Variants in SHROOM3 observed in about 807,000 individuals in gnomAD.
The protein encoded by SHROOM3 is shroom family member 3.
SHROOM3 carries 47 observed loss-of-function variants against 138.6 expected under a neutral mutation model. The ratio of observed to expected loss-of-function variants is 0.34; its 90% CI spans 0.27 to 0.43. SHROOM3 has a LOEUF of 0.43. Among genes scored for constraint, SHROOM3 ranks in the 20% least tolerant of loss-of-function variants. SHROOM3 has a pLI of 1.00. For synonymous variants in SHROOM3, 1,062 were observed against 1,063.3 expected (o/e 1.00, Z 0.02); for missense variants, 2,491 against 2,596.5 (o/e 0.96, Z 0.88).
At chr4:76,558,028 G>A (rs970188703) in intron 2 of SHROOM3, among the ~76,000 whole-genome samples, 1 of 152,278 alleles carries the variant, frequency 6.6e-6, no homozygotes, top group Admixed American at 6.5e-5. Flanking sequence ...GAACCCAGGA[G>A]CCCAGTTTGG....
chr4:76,554,720 A>G (rs1168405329), intron 1 of SHROOM3, among the ~76,000 whole-genome samples: 2 of 152,066 alleles, frequency 1.3e-5, no homozygotes, highest in African/African-American at 2.4e-5. Flanking sequence ...GTACCCGGCC[A>G]GAGGAACTCA....
intron 2 of SHROOM3, among the ~76,000 whole-genome samples, chr4:76,583,821 G>A (rs1734096354): frequency 6.6e-6 from 1 of 152,148 alleles, no homozygotes; most frequent in Non-Finnish European, 1.5e-5. Context: ...TGGGTCAACT[G>A]TAGGTTGGAA....
intron 4 of SHROOM3, among the ~76,000 whole-genome samples, chr4:76,731,686 C>T (rs1008662175): frequency 6.6e-6 from 1 of 151,576 alleles, no homozygotes; most frequent in African/African-American, 2.4e-5. Flanking sequence ...GAGGCTGAGG[C>T]AGAAGAATCG....
chr4:76,564,087 A>G (rs1259250714), intron 2 of SHROOM3, among the ~76,000 whole-genome samples: 1 of 152,154 alleles, frequency 6.6e-6, no homozygotes, highest in Non-Finnish European at 1.5e-5. Context: ...AAGAGCTGTG[A>G]CCACCCTCCC....
chr4:76,499,690 G>A (rs965035963), intron 1 of SHROOM3, among the ~76,000 whole-genome samples: 1 of 152,186 alleles, frequency 6.6e-6, no homozygotes, highest in Admixed American at 6.5e-5. Context: ...GGGGACATGG[G>A]TCTCTGGGTG....
chr4:76,743,201 G>A (rs962395702), intron 5 of SHROOM3, among the ~76,000 whole-genome samples: 1 of 152,214 alleles, frequency 6.6e-6, no homozygotes, highest in Non-Finnish European at 1.5e-5. Flanking sequence ...GGGATGCATT[G>A]ATGGGAAGAA....
intron 1 of SHROOM3, among the ~76,000 whole-genome samples, chr4:76,512,463 A>G (rs143081269): frequency 7.9e-5 from 12 of 152,262 alleles, no homozygotes; most frequent in Non-Finnish European, 7.4e-5. Context: ...AAACTGGCAG[A>G]TCTGGAATGT....
chr4:76,717,652 A>G (rs1720414675), intron 3 of SHROOM3, among the ~76,000 whole-genome samples: 1 of 152,138 alleles, frequency 6.6e-6, no homozygotes. Context: ...GGTATGGGCA[A>G]GGAAATCTCT....
intron 5 of SHROOM3, among the ~76,000 whole-genome samples, chr4:76,743,335 C>T (rs113891978): frequency 0.013 from 1,928 of 152,294 alleles, 33 homozygotes; most frequent in African/African-American, 0.044. Context: ...CAGGATTTTA[C>T]AAGTTTTTGA....
intron 2 of SHROOM3, among the ~76,000 whole-genome samples, chr4:76,556,279 A>G (rs1387091373): frequency 5.3e-5 from 8 of 152,228 alleles, no homozygotes; most frequent in South Asian, 2.1e-4. Flanking sequence ...TTAATGCCTT[A>G]GCATCAGAAG....
intron 2 of SHROOM3, among the ~76,000 whole-genome samples, chr4:76,655,413 G>C (rs1736044112): frequency 6.6e-6 from 1 of 152,154 alleles, no homozygotes. Context: ...GGGCCAATAA[G>C]AGGACCTTCA....
At chr4:76,473,906 C>G (rs1731430908) in intron 1 of SHROOM3, among the ~76,000 whole-genome samples, 2 of 152,288 alleles carry the variant, frequency 1.3e-5, no homozygotes, top group South Asian at 4.1e-4. Flanking sequence ...AAACGACTGG[C>G]TATTTCCTCA....
chr4:76,642,269 G>T (rs182637327), intron 2 of SHROOM3, among the ~76,000 whole-genome samples: 1 of 152,120 alleles, frequency 6.6e-6, no homozygotes, highest in African/African-American at 2.4e-5. Flanking sequence ...TCTAAAGCCT[G>T]ATCAATAAAT....
In SHROOM3 at chr4:76,555,752, G is replaced by T. The variant is rs749746838; in HGVS notation, c.312G>T (p.Leu104=). The T allele has an allele frequency of 1.8e-5, 29 of 1,612,964 alleles. No homozygotes were observed. In the Admixed American group the frequency reaches 4.7e-4, roughly 26 times the overall value. Residue 104 remains leucine (L), a synonymous_variant, in exon 2 of 11, where the codon CTG becomes CTT. Transcript: ENST00000296043. The part of the protein sequence containing the change: ...LVKGSYKTLR[L]VVRRDVCTDP... ...AAGGATCCTACAAGACCCTCAGGCT[G>T]GTAGTGCGCAGGTAGGTGGCAGACC...
At chr4:76,438,931 C>T (rs1004544779) in intron 1 of SHROOM3, among the ~76,000 whole-genome samples, 6 of 152,080 alleles carry the variant, frequency 3.9e-5, no homozygotes, top group African/African-American at 1.4e-4. Flanking sequence ...CAAACAGAAC[C>T]AATGAGGATG....
At chr4:76,651,714 C>T (rs981863377) in intron 2 of SHROOM3, among the ~76,000 whole-genome samples, 4 of 151,996 alleles carry the variant, frequency 2.6e-5, no homozygotes, top group Non-Finnish European at 5.9e-5. Flanking sequence ...ATTAATTGTC[C>T]AAGCCAAAGA....
chr4:76,525,413 G>A (rs969796271), intron 1 of SHROOM3, among the ~76,000 whole-genome samples: 10 of 152,176 alleles, frequency 6.6e-5, no homozygotes, highest in Admixed American at 5.2e-4. Context: ...CTTGACACAT[G>A]GGGATTATGG....
At position 76,658,597 on chromosome 4, in the gene SHROOM3, AT is replaced by A. The variant is rs1412529126; in HGVS notation, c.324-51558del. 2.0e-5 allele frequency among the ~76,000 whole-genome samples: 3 copies of A among 152,280 alleles called. No homozygotes were observed. The East Asian group carries it at 5.8e-4, about 29-fold the overall frequency. On this transcript the variant is annotated intron_variant, in intron 2 of 10. Coordinates refer to ENST00000296043, the MANE Select transcript of SHROOM3 (RefSeq NM_020859.4). ...ACAGAGCAGGAACAGTGAACTATATATAATAGTGTGGTAAATGTTACATCAA... is the reference window on the plus strand; with the variant it reads ...ACAGAGCAGGAACAGTGAACTATATAAATAGTGTGGTAAATGTTACATCAA...
chr4:76,504,009 C>T (rs567108165), intron 1 of SHROOM3, among the ~76,000 whole-genome samples: 3 of 152,114 alleles, frequency 2.0e-5, no homozygotes, highest in African/African-American at 4.8e-5. Context: ...CACAAAAACT[C>T]CATGAACAAA....
Sources: gnomAD v4.1 joint callset for allele counts (sites outside exome capture counted in the v4.1 genomes callset) on GRCh38, gnomAD v4.1.1 for gene constraint, MANE v1.5 for transcripts, NCBI Gene and HGNC (gene_info 2026-07-23, HGNC 2026-07-21) for gene names.